Variants in RXRA observed in about 807,000 individuals in gnomAD.
RXRA encodes the protein retinoic acid receptor RXR-alpha.
A neutral mutation model predicts 44.5 loss-of-function variants in RXRA; 5 were observed. The ratio of observed to expected loss-of-function variants is 0.11; its 90% CI spans 0.06 to 0.24. RXRA has a LOEUF of 0.24. RXRA is among the 10% of genes least tolerant of loss of function. The pLI, the probability that RXRA is intolerant of heterozygous loss-of-function variation, is 1.00. For synonymous variants in RXRA, 291 were observed against 271.4 expected, an observed-to-expected ratio of 1.07 and a Z score of -0.71; for missense variants, 412 against 646.5, an observed-to-expected ratio of 0.64 and a Z score of 3.93.
chr9:134,358,315 G>A (rs927778097), intron 1 of RXRA, among the ~76,000 whole-genome samples: 1 of 150,140 alleles, frequency 6.7e-6, no homozygotes, highest in Admixed American at 6.6e-5. Flanking sequence ...CAGCAGGCAG[G>A]CAGGCAGGCA....
At chr9:134,333,471 A>G (rs1835038500) in intron 1 of RXRA, among the ~76,000 whole-genome samples, 2 of 152,004 alleles carry the variant, frequency 1.3e-5, no homozygotes, top group South Asian at 4.2e-4. Flanking sequence ...GTGTCGGCGC[A>G]GACTGCTGCC....
intron 1 of RXRA, among the ~76,000 whole-genome samples, chr9:134,397,956 C>A (rs955642577): frequency 6.6e-6 from 1 of 152,260 alleles, no homozygotes; most frequent in African/African-American, 2.4e-5. Flanking sequence ...AGTGCCCCTG[C>A]AAGTCCAAAG....
intron 1 of RXRA, among the ~76,000 whole-genome samples, chr9:134,345,720 C>G (rs1485109662): frequency 4.6e-5 from 7 of 152,202 alleles, no homozygotes; most frequent in African/African-American, 1.7e-4. Flanking sequence ...TTGAAATTAG[C>G]TGCTGCTATA....
At chr9:134,397,995 T>C (rs1042252728) in intron 1 of RXRA, among the ~76,000 whole-genome samples, 3 of 152,206 alleles carry the variant, frequency 2.0e-5, no homozygotes, top group South Asian at 2.1e-4. Context: ...TATTTTTTTT[T>C]TGAGGCAGAG....
At chr9:134,369,110 G>T (rs1830456154) in intron 1 of RXRA, among the ~76,000 whole-genome samples, 1 of 70,858 alleles carries the variant, frequency 1.4e-5, no homozygotes, top group Non-Finnish European at 2.6e-5. Context: ...TGTGTGTGGG[G>T]TTGTGTGTGA....
intron 1 of RXRA, among the ~76,000 whole-genome samples, chr9:134,367,352 C>T (rs1046682457): frequency 1.3e-5 from 2 of 152,118 alleles, no homozygotes; most frequent in Admixed American, 6.5e-5. Flanking sequence ...TGACCCTGTC[C>T]GGGGAGACCC....
At chr9:134,434,252 G>T in intron 9 of RXRA, 45 bp downstream of exon 9, 1 of 1,436,592 alleles carries the variant, frequency 7.0e-7, no homozygotes, top group South Asian at 1.2e-5. Context: ...CCAGGCTCTT[G>T]TCTCCAGAGC....
chr9:134,356,389 G>A (rs1830283603), intron 1 of RXRA, among the ~76,000 whole-genome samples: 1 of 152,096 alleles, frequency 6.6e-6, no homozygotes, highest in Non-Finnish European at 1.5e-5. Flanking sequence ...GCTCCCACCG[G>A]GAACACACCT....
At chr9:134,383,314 G>T (rs1830672760) in intron 1 of RXRA, among the ~76,000 whole-genome samples, 1 of 152,188 alleles carries the variant, frequency 6.6e-6, no homozygotes. Flanking sequence ...AGTGGGTGTG[G>T]CGGGCTGGGA....
At chr9:134,327,791 G>C (rs1395308837) in intron 1 of RXRA, among the ~76,000 whole-genome samples, 2 of 152,154 alleles carry the variant, frequency 1.3e-5, no homozygotes, top group Non-Finnish European at 1.5e-5. Flanking sequence ...GTGAGAGTCT[G>C]AGTACCTCTG....
intron 1 of RXRA, among the ~76,000 whole-genome samples, chr9:134,367,306 G>C (rs1158964568): frequency 1.3e-5 from 2 of 152,176 alleles, no homozygotes; most frequent in Non-Finnish European, 2.9e-5. Context: ...GTGCTGCGCT[G>C]GGCAGGGACT....
chr9:134,344,750 A>G (rs1482854444), intron 1 of RXRA, among the ~76,000 whole-genome samples: 4 of 152,268 alleles, frequency 2.6e-5, no homozygotes, highest in African/African-American at 9.6e-5. Context: ...CATACCCCTT[A>G]GCAACCAGCT....
rs749561051 is a variant in RXRA at position 134,436,599 on chromosome 9, G to T, written c.1374G>T (p.Pro458=). 3.7e-6 allele frequency: 6 copies of T among 1,613,804 alleles called. No individual in the cohort carries two copies. Among genetic ancestry groups the T allele is most frequent in the Non-Finnish European group, 5.1e-6 (6 of 1,180,002 alleles). The part of the protein sequence containing the change: ...DTFLMEMLEA[P]HQMT ...TCCTTATGGAGATGCTGGAGGCGCC[G>T]CACCAAATGACTTAGGCCTGCGGGC... Residue 458 remains proline (P), a synonymous_variant, in exon 10 of 10, where the codon CCG becomes CCT. Coordinates refer to ENST00000481739, the MANE Select transcript of RXRA (RefSeq NM_002957.6).
At chr9:134,363,906 G>A (rs1190785289) in intron 1 of RXRA, among the ~76,000 whole-genome samples, 1 of 152,168 alleles carries the variant, frequency 6.6e-6, no homozygotes, top group African/African-American at 2.4e-5. Context: ...TTGGGGAAAA[G>A]CCTCCCCTAA....
At chr9:134,362,603 G>T (rs1014665891) in intron 1 of RXRA, among the ~76,000 whole-genome samples, 4 of 152,248 alleles carry the variant, frequency 2.6e-5, no homozygotes, top group Non-Finnish European at 2.9e-5. Flanking sequence ...GTTCCAGGGA[G>T]CAGAGCCTAC....
At chr9:134,416,135 C>T (rs1437456987) in intron 4 of RXRA, among the ~76,000 whole-genome samples, 1 of 152,152 alleles carries the variant, frequency 6.6e-6, no homozygotes, top group Non-Finnish European at 1.5e-5. Context: ...CAAATTCCAT[C>T]TGGGTCCTAG....
chr9:134,380,500 C>T (rs556423439), intron 1 of RXRA, among the ~76,000 whole-genome samples: 1 of 152,074 alleles, frequency 6.6e-6, no homozygotes, highest in Non-Finnish European at 1.5e-5. Flanking sequence ...GGCGGCCCCC[C>T]CTGGGAGGAG....
chr9:134,408,819 A>T, intron 3 of RXRA, 121 bp from the exon 4 acceptor site: 1 of 915,990 alleles, frequency 1.1e-6, no homozygotes, highest in Non-Finnish European at 1.6e-6. Flanking sequence ...AGGGGTCTGG[A>T]GACCAGCAGG....
intron 1 of RXRA, among the ~76,000 whole-genome samples, chr9:134,375,979 C>T (rs1324680027): frequency 6.6e-6 from 1 of 150,748 alleles, no homozygotes; most frequent in Non-Finnish European, 1.5e-5. Flanking sequence ...CCCCCCACCC[C>T]ACCCCGCCAG....
Sources: gnomAD v4.1 joint callset for allele counts (sites outside exome capture counted in the v4.1 genomes callset) on GRCh38, gnomAD v4.1.1 for gene constraint, MANE v1.5 for transcripts, NCBI Gene and HGNC (gene_info 2026-07-23, HGNC 2026-07-21) for gene names.